The following FOXK2 variants were observed in gnomAD, a reference collection of about 807,000 sequenced individuals.
FOXK2 encodes the protein forkhead box K2, also known as forkhead box protein K2.
Under a neutral mutation model 53.3 loss-of-function variants are expected in FOXK2, and 24 were observed. The ratio of observed to expected loss-of-function variants is 0.45; its 90% CI spans 0.33 to 0.63. The LOEUF (loss-of-function observed/expected upper bound fraction) is 0.63, where lower values mean the gene tolerates loss of function less well. FOXK2 is among the 30% of genes least tolerant of loss of function. FOXK2 has a pLI of 0.03. For synonymous variants in FOXK2, 505 were observed against 407.1 expected (o/e 1.24, Z -2.89); for missense variants, 952 against 910.5 (o/e 1.05, Z -0.59).
chr17:82,596,417 G>C (rs932952428), intron 8 of FOXK2, among the ~76,000 whole-genome samples: 1 of 23,074 alleles, frequency 4.3e-5, no homozygotes, highest in Non-Finnish European at 1.6e-4. Context: ...TGTAGGGGGA[G>C]CCTCAGAGCT....
chr17:82,522,368 AT>A (rs538515246), intron 1 of FOXK2, among the ~76,000 whole-genome samples: 1,926 of 141,634 alleles, frequency 0.014, 26 homozygotes, highest in African/African-American at 0.041. Flanking sequence ...GTTTTTTGGA[AT>A]TTTTTTTTTT....
chr17:82,570,634 T>C (rs1028493313), intron 3 of FOXK2, among the ~76,000 whole-genome samples: 9 of 152,160 alleles, frequency 5.9e-5, no homozygotes, highest in African/African-American at 2.2e-4. Flanking sequence ...TCCATTTGTG[T>C]TTATCCTTGA....
chr17:82,587,669 G>A (rs370659677), intron 8 of FOXK2: 163 of 304,052 alleles, frequency 5.4e-4, no homozygotes, highest in East Asian at 4.5e-3. Flanking sequence ...TTTTCTGTGC[G>A]CTTTGCTCTC....
intron 1 of FOXK2, among the ~76,000 whole-genome samples, chr17:82,533,523 C>T (rs2044492117): frequency 6.6e-6 from 1 of 151,886 alleles, no homozygotes; most frequent in African/African-American, 2.4e-5. Flanking sequence ...GAATACATAA[C>T]CAGTAACTGT....
intron 1 of FOXK2, among the ~76,000 whole-genome samples, chr17:82,542,902 C>T (rs2044587994): frequency 6.6e-6 from 1 of 152,110 alleles, no homozygotes; most frequent in South Asian, 2.1e-4. Flanking sequence ...CCTGTAGTCC[C>T]AGGTACTCAG....
At chr17:82,538,822 T>C (rs1262004758) in intron 1 of FOXK2, among the ~76,000 whole-genome samples, 1 of 152,112 alleles carries the variant, frequency 6.6e-6, no homozygotes, top group Non-Finnish European at 1.5e-5. Flanking sequence ...AAGGGACTTG[T>C]ACCCTACGCC....
chr17:82,546,962 A>G (rs1016763215), intron 1 of FOXK2, among the ~76,000 whole-genome samples: 1 of 151,792 alleles, frequency 6.6e-6, no homozygotes, highest in African/African-American at 2.4e-5. Context: ...CTGTAGTCCC[A>G]GCTACTCTGG....
In FOXK2 at chr17:82,602,526, C is replaced by T. The variant is rs981904056; in HGVS notation, c.*1027C>T. 8 of 152,300 alleles carry T rather than the reference C, an allele frequency of 5.3e-5. No homozygotes were observed. Among genetic ancestry groups the T allele is most frequent in the African/African-American group, 1.9e-4 (8 of 41,472 alleles). The allele number at this position is 152,300 out of a possible 1,614,324, so 9.4% of individuals were successfully genotyped here. A position where few individuals can be genotyped will look rare whatever the true frequency, so the allele number is the denominator to read the frequency against. On this transcript the variant is annotated 3_prime_UTR_variant, in exon 9 of 9. Transcript: ENST00000335255. ...GTTTGTATTTGGGGTGTCCCTCCGG[C>T]TCTAGGCGGCCTCTGACCTGCTGTC...
intron 8 of FOXK2, among the ~76,000 whole-genome samples, chr17:82,595,126 G>T (rs11078001): frequency 7.2e-5 from 11 of 152,164 alleles, no homozygotes; most frequent in Middle Eastern, 3.4e-3. Context: ...TCTAACCATG[G>T]GGGCAACGTG....
In FOXK2 at chr17:82,587,605, C is replaced by A. The variant is rs548348945; in HGVS notation, c.1786+333C>A. ...CCGCGTGTCTTTTCCCTTGGCCTCG[C>A]GCGCCCTGTGGCCTGTGGCGGTGCT... On this transcript the variant is annotated intron_variant, in intron 8 of 8. Coordinates refer to ENST00000335255, the MANE Select transcript of FOXK2 (RefSeq NM_004514.4). 1.0e-4 allele frequency: 39 copies of A among 388,096 alleles called. No homozygotes were observed. In the East Asian group the frequency reaches 2.1e-3, roughly 21 times the overall value. The allele number at this position is 388,096 out of a possible 1,614,324, so 24.0% of individuals were successfully genotyped here.
chr17:82,533,657 C>G (rs1056555608), intron 1 of FOXK2, among the ~76,000 whole-genome samples: 1 of 152,150 alleles, frequency 6.6e-6, no homozygotes, highest in African/African-American at 2.4e-5. Context: ...ATTCATTGCA[C>G]TATGACATCA....
chr17:82,550,904 C>T (rs2044670578), intron 1 of FOXK2, among the ~76,000 whole-genome samples: 8 of 152,218 alleles, frequency 5.3e-5, no homozygotes, highest in Admixed American at 5.2e-4. Context: ...TTCTAAGTCA[C>T]TGTGAAGCAC....
intron 1 of FOXK2, among the ~76,000 whole-genome samples, chr17:82,522,932 T>C (rs985239745): frequency 2.0e-5 from 3 of 152,016 alleles, no homozygotes; most frequent in African/African-American, 7.2e-5. Flanking sequence ...GTAGCTGGGA[T>C]TACAGGCACA....
At chr17:82,554,941 G>A (rs1167363685) in intron 1 of FOXK2, among the ~76,000 whole-genome samples, 3 of 151,932 alleles carry the variant, frequency 2.0e-5, no homozygotes, top group Non-Finnish European at 2.9e-5. Context: ...TAGTGGCAGC[G>A]TTTCACCATA....
intron 1 of FOXK2, chr17:82,559,562 G>C (rs1385108893): frequency 4.5e-6 from 2 of 447,530 alleles, no homozygotes; most frequent in Non-Finnish European, 9.1e-6. Context: ...CTCAGGAGAT[G>C]ATGGGTGGGA....
In FOXK2 at chr17:82,586,029, C is replaced by A; in HGVS notation, c.1405C>A (p.Gln469Lys). The A allele has an allele frequency of 6.2e-7, 1 of 1,612,826 alleles. No homozygotes were observed. Among genetic ancestry groups the A allele is most frequent in the Non-Finnish European group, 8.5e-7 (1 of 1,179,996 alleles). The change falls in exon 7 of 9, where the codon CAG becomes AAG. Residue 469 changes from glutamine (Q) to lysine (K), a missense_variant. By Grantham distance (53) the Gln-to-Lys change is moderately conservative. This residue lies in a region of FOXK2 where 551 missense variants were observed against 385.1 expected (regional missense o/e 1.43). Transcript: ENST00000335255. ...TTSTSQPPVV[Q>K]TVHVVHQIPA... ...CTCGACCTCCCAGCCACCCGTCGTG[C>A]AGACGGTTCACGTCGTCCACCAGAT...
chr17:82,547,992 C>T (rs1160449698), intron 1 of FOXK2, among the ~76,000 whole-genome samples: 1 of 152,208 alleles, frequency 6.6e-6, no homozygotes, highest in African/African-American at 2.4e-5. Flanking sequence ...AGTGGATTCT[C>T]TTCTATGGAT....
At chr17:82,557,099 C>G (rs2144103349) in intron 1 of FOXK2, among the ~76,000 whole-genome samples, 1 of 150,710 alleles carries the variant, frequency 6.6e-6, no homozygotes, top group East Asian at 1.9e-4. Context: ...GTGTGATGAT[C>G]TCAGCTCACT....
In FOXK2 at chr17:82,563,371, C is replaced by T. The variant is rs771484161; in HGVS notation, c.437C>T (p.Pro146Leu). Reference protein sequence around the residue: ...QLPRVCTFRFPSTNIKITFTA... With the variant: ...QLPRVCTFRFLSTNIKITFTA... Reference sequence around the variant, plus strand: ...TTTTCCAGGTGCACATTCAGGTTCCCGAGCACAAACATCAAGATAACGTTC... The same window carrying T: ...TTTTCCAGGTGCACATTCAGGTTCCTGAGCACAAACATCAAGATAACGTTC... Residue 146 changes from proline (P) to leucine (L), a missense_variant, in exon 2 of 9, where the codon CCG becomes CTG. Physicochemically the swap from Pro to Leu is moderately conservative, Grantham distance 98. This residue lies in a region of FOXK2 where 76 missense variants were observed against 128.2 expected (regional missense o/e 0.59). Coordinates refer to ENST00000335255, the MANE Select transcript of FOXK2 (RefSeq NM_004514.4). 4 of 1,613,286 alleles carry T rather than the reference C, an allele frequency of 2.5e-6. No homozygotes were observed. Among genetic ancestry groups the T allele is most frequent in the Non-Finnish European group, 2.5e-6 (3 of 1,179,696 alleles).
Sources: gnomAD v4.1 joint callset for allele counts (sites outside exome capture counted in the v4.1 genomes callset) on GRCh38, gnomAD v4.1.1 for gene constraint, gnomAD v4.1.1 regional missense constraint, MANE v1.5 for transcripts, NCBI Gene and HGNC (gene_info 2026-07-23, HGNC 2026-07-21) for gene names.